Variants in DCAF6 observed in about 807,000 individuals in gnomAD.
The protein encoded by DCAF6 is DDB1- and CUL4-associated factor 6.
A neutral mutation model predicts 125.1 loss-of-function variants in DCAF6; 54 were observed. The observed-to-expected ratio is 0.43, with a 90% CI of 0.35 to 0.54. The LOEUF is 0.54. Among genes scored for constraint, DCAF6 ranks in the 20% least tolerant of loss-of-function variants. The pLI is 0.01. For missense variants in DCAF6, 934 were observed against 1,161.7 expected (o/e 0.80, Z 2.85); for synonymous variants, 371 against 390.4 (o/e 0.95, Z 0.58).
At chr1:168,020,903 G>A (rs1685588972) in intron 11 of DCAF6, among the ~76,000 whole-genome samples, 1 of 152,040 alleles carries the variant, frequency 6.6e-6, no homozygotes, top group Non-Finnish European at 1.5e-5. Context: ...TAGAATGAAA[G>A]CAGTGACCAG....
intron 2 of DCAF6, among the ~76,000 whole-genome samples, chr1:167,965,998 A>T (rs1676361940): frequency 1.3e-5 from 2 of 152,150 alleles, no homozygotes; most frequent in South Asian, 4.1e-4. Context: ...CATCAATTAT[A>T]GTTCAGGTTT....
chr1:167,878,054 G>A, the DCAF6 span, among the ~76,000 whole-genome samples: 7 of 152,202 alleles, frequency 4.6e-5, no homozygotes, highest in Admixed American at 1.3e-4. Flanking sequence ...AAGACTTAGA[G>A]GAGAAATAAT....
At chr1:167,941,199 A>C (rs764490764) in intron 1 of DCAF6, among the ~76,000 whole-genome samples, 5 of 152,176 alleles carry the variant, frequency 3.3e-5, no homozygotes, top group Non-Finnish European at 7.4e-5. Context: ...TGAAAGCTGA[A>C]AAATGTATGA....
intron 11 of DCAF6, among the ~76,000 whole-genome samples, chr1:168,016,266 A>G (rs1039214125): frequency 6.6e-6 from 1 of 152,202 alleles, no homozygotes; most frequent in Non-Finnish European, 1.5e-5. Context: ...GCCTGCATTG[A>G]TCTTTCTATT....
At chr1:167,925,442 C>CATATATATATAT in the DCAF6 span, among the ~76,000 whole-genome samples, 1,247 of 82,222 alleles carry the variant, frequency 0.015, 22 homozygotes, top group South Asian at 0.033. Context: ...TACATATACA[C>CATATATATATAT]ATATATATAT....
Position 168,065,770 on chromosome 1 carries a change from G to C in DCAF6, c.2596+24G>C, listed in dbSNP as rs538573562. The stretch of plus-strand genomic sequence containing the variant: ...AAGTAAGATATCTTTTCTAGGACGA[G>C]GGCTAGAAATTATTTGTATGACTCA... On this transcript the variant is annotated intron_variant, in intron 19 of 21. Coordinates refer to ENST00000367840, the MANE Select transcript of DCAF6 (RefSeq NM_001198956.2). The C allele has an allele frequency of 1.9e-6, 3 of 1,597,242 alleles. No homozygotes were observed. In the South Asian group the frequency reaches 3.4e-5, roughly 18 times the overall value.
chr1:167,880,471 G>A, the DCAF6 span: 1 of 1,560,360 alleles, frequency 6.4e-7, no homozygotes. Context: ...CCGCTGGGTG[G>A]GACCAGGGTC....
At chr1:167,974,727 T>A (rs1030802341) in intron 3 of DCAF6, 103 bp from the exon 4 acceptor site, 1 of 840,002 alleles carries the variant, frequency 1.2e-6, no homozygotes, top group Non-Finnish European at 1.7e-6. Context: ...TTCACTGAGA[T>A]GAGAATGTTA....
chr1:167,910,197 G>A, the DCAF6 span, among the ~76,000 whole-genome samples: 1 of 152,076 alleles, frequency 6.6e-6, no homozygotes, highest in Non-Finnish European at 1.5e-5. Flanking sequence ...TGGTATCTGT[G>A]GTTTTGTGTT....
intron 1 of DCAF6, among the ~76,000 whole-genome samples, chr1:167,943,924 C>T (rs1018366421): frequency 8.7e-5 from 13 of 149,976 alleles, no homozygotes; most frequent in South Asian, 2.1e-4. Context: ...CTGCAAGTTC[C>T]GCCTCCGAGG....
chr1:167,968,089 A>ATGTACT (rs1347879222), intron 3 of DCAF6, among the ~76,000 whole-genome samples: 2 of 152,104 alleles, frequency 1.3e-5, no homozygotes, highest in Non-Finnish European at 2.9e-5. Context: ...AATTCCAAAA[A>ATGTACT]TGTACTCCAG....
chr1:167,942,452 A>C (rs1280583647), intron 1 of DCAF6, among the ~76,000 whole-genome samples: 1 of 152,160 alleles, frequency 6.6e-6, no homozygotes, highest in Non-Finnish European at 1.5e-5. Context: ...TTAAATGTTC[A>C]GGTTTACCTT....
intron 3 of DCAF6, among the ~76,000 whole-genome samples, chr1:167,967,890 T>C (rs1394335061): frequency 6.6e-6 from 1 of 151,604 alleles, no homozygotes; most frequent in Admixed American, 6.6e-5. Flanking sequence ...GCCACCATGC[T>C]CGGCTAATTT....
At chr1:167,938,043 G>T (rs957600675) in intron 1 of DCAF6, among the ~76,000 whole-genome samples, 4 of 152,142 alleles carry the variant, frequency 2.6e-5, no homozygotes, top group African/African-American at 9.7e-5. Flanking sequence ...AGAAAAGTTA[G>T]CATGCAATTT....
intron 7 of DCAF6, among the ~76,000 whole-genome samples, chr1:167,998,433 A>G (rs1333222320): frequency 6.6e-6 from 1 of 152,150 alleles, no homozygotes; most frequent in African/African-American, 2.4e-5. Flanking sequence ...GAAATAAGAC[A>G]TCAGTGAAGT....
the DCAF6 span, among the ~76,000 whole-genome samples, chr1:167,922,537 T>C: frequency 8.6e-5 from 13 of 151,914 alleles, no homozygotes; most frequent in African/African-American, 3.1e-4. Flanking sequence ...AAGAAGGAAA[T>C]GGTAATGTAA....
At chr1:167,958,492 T>C (rs961507999) in intron 2 of DCAF6, among the ~76,000 whole-genome samples, 2 of 152,130 alleles carry the variant, frequency 1.3e-5, no homozygotes, top group African/African-American at 4.8e-5. Flanking sequence ...TTCCATTACA[T>C]TGATCTGTAT....
At chr1:167,971,238 C>T (rs900812880) in intron 3 of DCAF6, among the ~76,000 whole-genome samples, 3 of 152,114 alleles carry the variant, frequency 2.0e-5, no homozygotes. Flanking sequence ...ACACATGTAG[C>T]CACTCCTTCA....
the DCAF6 span, chr1:167,904,010 T>A: frequency 1.3e-6 from 2 of 1,556,020 alleles, no homozygotes; most frequent in Non-Finnish European, 1.8e-6. Context: ...AATGTGCAGC[T>A]GGTTTCCTTG....
Sources: allele counts gnomAD v4.1 joint callset (sites outside exome capture counted in the v4.1 genomes callset), GRCh38; gene constraint gnomAD v4.1.1; transcripts MANE v1.5; gene names NCBI Gene and HGNC (gene_info 2026-07-23, HGNC 2026-07-21).